CNTN5: variants seen among roughly 807,000 people sequenced by gnomAD.
CNTN5 encodes the protein contactin-5.
CNTN5 carries 77 observed loss-of-function variants against 129.1 expected under a neutral mutation model. The observed-to-expected ratio is 0.60, with a 90% CI of 0.50 to 0.72. The LOEUF is 0.72. CNTN5 is among the 30% of genes least tolerant of loss of function. The pLI is 0.00. For synonymous variants in CNTN5, 509 were observed against 465.6 expected, an observed-to-expected ratio of 1.09 and a Z score of -1.20; for missense variants, 1,478 against 1,328.8, an observed-to-expected ratio of 1.11 and a Z score of -1.75.
chr11:99,562,496 T>C (rs997796878), intron 3 of CNTN5, among the ~76,000 whole-genome samples: 1 of 152,114 alleles, frequency 6.6e-6, no homozygotes, highest in Admixed American at 6.6e-5. Context: ...ACAAATAAAA[T>C]ATAAATATTA....
At chr11:100,050,062 T>C (rs969096173) in intron 9 of CNTN5, among the ~76,000 whole-genome samples, 15 of 152,206 alleles carry the variant, frequency 9.9e-5, no homozygotes, top group African/African-American at 3.4e-4. Flanking sequence ...TGGAAGTCAG[T>C]GTGGCGATTC....
chr11:99,195,478 C>A (rs1360042803), intron 1 of CNTN5, among the ~76,000 whole-genome samples: 4 of 151,986 alleles, frequency 2.6e-5, no homozygotes, highest in African/African-American at 4.8e-5. Flanking sequence ...TAAAGCGCTC[C>A]TTTATACTGA....
At chr11:99,046,309 C>G (rs1591100334) in intron 1 of CNTN5, among the ~76,000 whole-genome samples, 1 of 152,114 alleles carries the variant, frequency 6.6e-6, no homozygotes, top group African/African-American at 2.4e-5. Context: ...CACTGCACTC[C>G]AGCCTGGGTG....
chr11:99,043,350 G>C (rs1864081188), intron 1 of CNTN5, among the ~76,000 whole-genome samples: 1 of 143,902 alleles, frequency 6.9e-6, no homozygotes, highest in Non-Finnish European at 1.5e-5. Flanking sequence ...TGAGTTAGTG[G>C]GTGCAGCGCA....
intron 21 of CNTN5, among the ~76,000 whole-genome samples, chr11:100,313,448 CAA>C (rs35425874): frequency 0.015 from 1,901 of 127,734 alleles, 26 homozygotes; most frequent in African/African-American, 0.045. Flanking sequence ...GTGCCATTTA[CAA>C]AAAAAAAAAA....
chr11:100,164,261 T>C (rs7129316), intron 13 of CNTN5, among the ~76,000 whole-genome samples: 1,611 of 151,958 alleles, frequency 0.011, 33 homozygotes, highest in African/African-American at 0.037. Context: ...TAGAAGGAGA[T>C]GACAAAGTGT....
At chr11:99,788,947 G>A (rs1012022512) in intron 3 of CNTN5, among the ~76,000 whole-genome samples, 5 of 151,732 alleles carry the variant, frequency 3.3e-5, no homozygotes, top group South Asian at 2.1e-4. Flanking sequence ...TTTCCAATAA[G>A]AGCCTCTCAA....
chr11:99,672,376 G>A (rs1315599958), intron 3 of CNTN5, among the ~76,000 whole-genome samples: 3 of 151,790 alleles, frequency 2.0e-5, no homozygotes, highest in Non-Finnish European at 4.4e-5. Context: ...TTGCATGTGG[G>A]CTCACTGTAG....
chr11:99,368,639 CAT>C (rs1939614631), intron 2 of CNTN5, among the ~76,000 whole-genome samples: 1 of 151,596 alleles, frequency 6.6e-6, no homozygotes, highest in African/African-American at 2.4e-5. Context: ...GGACTTTACA[CAT>C]ATAATTATCG....
At chr11:99,536,996 C>T (rs1283923413) in intron 2 of CNTN5, among the ~76,000 whole-genome samples, 1 of 152,040 alleles carries the variant, frequency 6.6e-6, no homozygotes, top group Non-Finnish European at 1.5e-5. Flanking sequence ...ACTAAAGCTT[C>T]ATATATATTT....
At chr11:99,892,702 C>A (rs1438332262) in intron 6 of CNTN5, among the ~76,000 whole-genome samples, 1 of 152,074 alleles carries the variant, frequency 6.6e-6, no homozygotes, top group East Asian at 1.9e-4. Context: ...GTGTTGGTAC[C>A]AGTACCATGC....
At chr11:99,800,227 G>A (rs1270886062) in intron 3 of CNTN5, among the ~76,000 whole-genome samples, 1 of 152,006 alleles carries the variant, frequency 6.6e-6, no homozygotes, top group Admixed American at 6.6e-5. Context: ...TTACTTAAAA[G>A]TCATTCAGGA....
Position 100,028,691 on chromosome 11 carries a change from A to G in CNTN5, c.980+26555A>G, listed in dbSNP as rs182769135. ...TTTTCATGGTGTCAACTGAAAATAG[A>G]TGGTAGAAAATTCACTCTTTGGCTT... On this transcript the variant is annotated intron_variant, in intron 9 of 24. Coordinates refer to ENST00000524871, the MANE Select transcript of CNTN5 (RefSeq NM_014361.4). 1.5e-4 allele frequency among the ~76,000 whole-genome samples: 23 copies of G among 152,292 alleles called. No homozygotes were observed. In the East Asian group the frequency reaches 4.2e-3, roughly 28 times the overall value.
chr11:99,841,829 T>TACACAC (rs1947507553), intron 4 of CNTN5, among the ~76,000 whole-genome samples: 1 of 143,278 alleles, frequency 7.0e-6, no homozygotes, highest in Admixed American at 7.0e-5. Flanking sequence ...TGTGTGTATA[T>TACACAC]ATATATACAC....
intron 21 of CNTN5, 88 bp from the exon 22 acceptor site, chr11:100,340,375 C>T: frequency 2.1e-6 from 2 of 936,166 alleles, no homozygotes; most frequent in African/African-American, 1.7e-5. Context: ...TGGACTCCAG[C>T]AACATCCAAA....
At chr11:99,602,652 T>TA (rs915573276) in intron 3 of CNTN5, among the ~76,000 whole-genome samples, 1,954 of 144,492 alleles carry the variant, frequency 0.014, 39 homozygotes, top group African/African-American at 0.041. Flanking sequence ...TTGTGCAATG[T>TA]AAAAAAAAAA....
chr11:99,845,144 A>G lies in CNTN5; in HGVS notation c.459A>G (p.Ile153Met), dbSNP rs1009486257. Residue 153 changes from isoleucine (I) to methionine (M), a missense_variant, in exon 6 of 25, where the codon ATA (isoleucine) becomes ATG (methionine). Coordinates refer to ENST00000524871, the MANE Select transcript of CNTN5 (RefSeq NM_014361.4). ...DLESDYRYSL[I>M]DGTFIISNPS... ...AAAGTGATTATCGCTACAGTTTGATAGATGGCACCTTCATTATAAGCAATC... is the reference window on the plus strand; with the variant it reads ...AAAGTGATTATCGCTACAGTTTGATGGATGGCACCTTCATTATAAGCAATC... 1.1e-5 allele frequency: 18 copies of G among 1,613,740 alleles called. No homozygotes were observed. Among genetic ancestry groups the G allele is most frequent in the Non-Finnish European group, 1.4e-5 (17 of 1,179,852 alleles).
At chr11:99,610,588 T>C (rs1196986238) in intron 3 of CNTN5, among the ~76,000 whole-genome samples, 3 of 152,184 alleles carry the variant, frequency 2.0e-5, no homozygotes, top group Non-Finnish European at 2.9e-5. Context: ...GACATTTATA[T>C]AATTATCAGG....
chr11:100,286,087 C>T (rs1305802975), intron 18 of CNTN5, among the ~76,000 whole-genome samples: 2 of 152,236 alleles, frequency 1.3e-5, no homozygotes, highest in African/African-American at 4.8e-5. Context: ...ATATCCCGCA[C>T]CTGGCTGGGA....
Sources: gnomAD v4.1 joint callset for allele counts (sites outside exome capture counted in the v4.1 genomes callset) on GRCh38, gnomAD v4.1.1 for gene constraint, MANE v1.5 for transcripts, NCBI Gene and HGNC (gene_info 2026-07-23, HGNC 2026-07-21) for gene names.